Variants in PTPRT observed in about 807,000 individuals in gnomAD.
The protein encoded by PTPRT is receptor-type tyrosine-protein phosphatase T.
A neutral mutation model predicts 176.8 loss-of-function variants in PTPRT; 56 were observed. The ratio of observed to expected loss-of-function variants is 0.32; its 90% CI spans 0.26 to 0.40. PTPRT has a LOEUF of 0.40. Among genes scored for constraint, PTPRT ranks in the 10% least tolerant of loss-of-function variants. The pLI, the probability that PTPRT is intolerant of heterozygous loss-of-function variation, is 1.00. For missense variants in PTPRT, 1,540 were observed against 1,908.2 expected (o/e 0.81, Z 3.60); for synonymous variants, 783 against 739.0 (o/e 1.06, Z -0.96).
chr20:42,443,240 A>G (rs1293544532), intron 9 of PTPRT, among the ~76,000 whole-genome samples: 3 of 152,176 alleles, frequency 2.0e-5, no homozygotes, highest in Admixed American at 6.5e-5. Flanking sequence ...CAATTGTGAG[A>G]TTTGAGAATG....
intron 16 of PTPRT, among the ~76,000 whole-genome samples, chr20:42,186,771 T>C (rs770304037): frequency 6.6e-6 from 1 of 152,076 alleles, no homozygotes; most frequent in Non-Finnish European, 1.5e-5. Context: ...ATGAGGATTA[T>C]TTAGGAGTTG....
At chr20:42,501,204 T>C (rs62205771) in intron 7 of PTPRT, among the ~76,000 whole-genome samples, 3,942 of 152,292 alleles carry the variant, frequency 0.026, 94 homozygotes, top group South Asian at 0.099. Context: ...GAATAAATCA[T>C]AAGCATCTGC....
At chr20:42,987,020 A>C (rs769329179) in intron 1 of PTPRT, among the ~76,000 whole-genome samples, 2 of 152,112 alleles carry the variant, frequency 1.3e-5, no homozygotes, top group Non-Finnish European at 2.9e-5. Context: ...TCCAATCCTC[A>C]TATGGTACTG....
chr20:42,291,839 T>C (rs2057321484), intron 12 of PTPRT, among the ~76,000 whole-genome samples: 1 of 152,170 alleles, frequency 6.6e-6, no homozygotes, highest in African/African-American at 2.4e-5. Context: ...AGTTTTGGTC[T>C]ATATTTTAAG....
intron 1 of PTPRT, among the ~76,000 whole-genome samples, chr20:42,958,131 G>A (rs989246361): frequency 7.0e-5 from 9 of 128,950 alleles, no homozygotes; most frequent in Admixed American, 8.1e-5. Context: ...ATCCCCTAAT[G>A]TGTACCTCGA....
chr20:43,069,599 T>G (rs1182762042), intron 1 of PTPRT, among the ~76,000 whole-genome samples: 1 of 152,190 alleles, frequency 6.6e-6, no homozygotes, highest in Admixed American at 6.5e-5. Flanking sequence ...AAATCATTAT[T>G]TCTGGTATGA....
At chr20:42,489,008 T>TTGTGTG (rs56267962) in intron 7 of PTPRT, among the ~76,000 whole-genome samples, 16 of 131,262 alleles carry the variant, frequency 1.2e-4, no homozygotes, top group South Asian at 8.3e-4. Context: ...TCAACCAAGT[T>TTGTGTG]TGTGTGTGTG....
intron 12 of PTPRT, among the ~76,000 whole-genome samples, chr20:42,298,171 AC>A (rs1206407396): frequency 6.6e-6 from 1 of 152,232 alleles, no homozygotes; most frequent in African/African-American, 2.4e-5. Flanking sequence ...AAAGTAAAAA[AC>A]AAACTGAAAA....
At chr20:42,422,896 A>G (rs2059131630) in intron 9 of PTPRT, among the ~76,000 whole-genome samples, 2 of 152,270 alleles carry the variant, frequency 1.3e-5, no homozygotes, top group African/African-American at 4.8e-5. Context: ...TCTTTGTAGG[A>G]ACACAGATGG....
intron 6 of PTPRT, among the ~76,000 whole-genome samples, chr20:42,745,315 A>G (rs1323185432): frequency 6.6e-6 from 1 of 152,208 alleles, no homozygotes; most frequent in Non-Finnish European, 1.5e-5. Context: ...GTCCTAGATG[A>G]ATAGTAGGGC....
At chr20:42,383,584 T>C (rs1336940919) in intron 9 of PTPRT, among the ~76,000 whole-genome samples, 2 of 152,206 alleles carry the variant, frequency 1.3e-5, no homozygotes, top group Non-Finnish European at 2.9e-5. Context: ...TTCTGCAGTG[T>C]TTGATAAGTG....
intron 20 of PTPRT, among the ~76,000 whole-genome samples, chr20:42,119,365 C>T (rs1176855888): frequency 1.3e-5 from 2 of 152,100 alleles, no homozygotes; most frequent in Admixed American, 6.5e-5. Context: ...TAAGATTTTT[C>T]GCTTTTTTAT....
chr20:42,191,181 A>G (rs904831862), intron 16 of PTPRT, among the ~76,000 whole-genome samples: 2 of 152,144 alleles, frequency 1.3e-5, no homozygotes, highest in African/African-American at 4.8e-5. Context: ...GAAATAAAAA[A>G]AAAAAAAATA....
intron 9 of PTPRT, among the ~76,000 whole-genome samples, chr20:42,357,030 CT>C (rs1234856173): frequency 6.6e-6 from 1 of 152,142 alleles, no homozygotes; most frequent in East Asian, 1.9e-4. Flanking sequence ...CTCCCAGGTT[CT>C]TATTTTACGT....
At chr20:42,068,036 C>T (rs905704200), downstream of PTPRT, among the ~76,000 whole-genome samples, 6 of 152,092 alleles carry the variant, frequency 3.9e-5, no homozygotes, top group African/African-American at 7.2e-5. Flanking sequence ...TTTGAAAAGT[C>T]GCATGAAATA....
chr20:42,509,556 TTC>T, intron 7 of PTPRT, among the ~76,000 whole-genome samples: 1 of 148,642 alleles, frequency 6.7e-6, no homozygotes, highest in Non-Finnish European at 1.5e-5. Flanking sequence ...CAATTTATAT[TTC>T]TATTCAAACT....
intron 2 of PTPRT, among the ~76,000 whole-genome samples, chr20:42,791,763 A>G (rs926070394): frequency 1.3e-5 from 2 of 152,254 alleles, no homozygotes; most frequent in Non-Finnish European, 2.9e-5. Flanking sequence ...CATAGCTACT[A>G]TTACTGTTTG....
At chr20:42,926,634 G>A (rs928157008) in intron 1 of PTPRT, among the ~76,000 whole-genome samples, 2 of 152,132 alleles carry the variant, frequency 1.3e-5, no homozygotes, top group Non-Finnish European at 2.9e-5. Flanking sequence ...AGCCACACAC[G>A]TTCCAGGGTC....
intron 1 of PTPRT, among the ~76,000 whole-genome samples, chr20:43,019,402 C>T (rs138882979): frequency 1.1e-3 from 162 of 152,044 alleles, no homozygotes; most frequent in African/African-American, 3.5e-3. Flanking sequence ...GGGCAGATCA[C>T]GAGGTCAGGA....
Sources: allele counts gnomAD v4.1 joint callset (sites outside exome capture counted in the v4.1 genomes callset), GRCh38; gene constraint gnomAD v4.1.1; transcripts MANE v1.5; gene names NCBI Gene and HGNC (gene_info 2026-07-23, HGNC 2026-07-21).